SLIT3: variants seen among roughly 807,000 people sequenced by gnomAD.
SLIT3 encodes the protein slit homolog 3 protein.
Under a neutral mutation model 184.0 loss-of-function variants are expected in SLIT3, and 68 were observed. The ratio of observed to expected loss-of-function variants is 0.37; its 90% CI spans 0.30 to 0.45. SLIT3 has a LOEUF of 0.45. SLIT3 is among the 20% of genes least tolerant of loss of function. The pLI is 1.00. For missense variants in SLIT3, 1,707 were observed against 2,026.0 expected (o/e 0.84, Z 3.02); for synonymous variants, 831 against 828.6 (o/e 1.00, Z -0.05).
intron 4 of SLIT3, among the ~76,000 whole-genome samples, chr5:169,067,377 G>T (rs1283223465): frequency 6.6e-6 from 1 of 152,122 alleles, no homozygotes; most frequent in South Asian, 2.1e-4. Context: ...TTGCACTTCA[G>T]CCTGGCCATC....
chr5:169,019,772 C>T (rs1413425587), intron 4 of SLIT3, among the ~76,000 whole-genome samples: 1 of 152,232 alleles, frequency 6.6e-6, no homozygotes, highest in Non-Finnish European at 1.5e-5. Context: ...TCACTCTTTT[C>T]CTTCAAAGCA....
At chr5:168,676,786 C>T (rs1033340198) in intron 32 of SLIT3, among the ~76,000 whole-genome samples, 1 of 152,252 alleles carries the variant, frequency 6.6e-6, no homozygotes, top group African/African-American at 2.4e-5. Context: ...CAGGCACTCG[C>T]TTCCAACATT....
intron 4 of SLIT3, 22 bp downstream of exon 4, chr5:169,193,457 A>G (rs1433443681): frequency 6.2e-7 from 1 of 1,605,202 alleles, no homozygotes; most frequent in East Asian, 2.2e-5. Flanking sequence ...CAAGGTAGAG[A>G]ACACAAGGCA....
At chr5:169,000,506 GAGA>G (rs1731047064) in intron 4 of SLIT3, among the ~76,000 whole-genome samples, 1 of 148,836 alleles carries the variant, frequency 6.7e-6, no homozygotes, top group African/African-American at 2.5e-5. Flanking sequence ...ATTACTCAAA[GAGA>G]AGAACAATAA....
chr5:168,703,311 T>C (rs1371612652), intron 26 of SLIT3, among the ~76,000 whole-genome samples: 2 of 149,756 alleles, frequency 1.3e-5, no homozygotes, highest in Non-Finnish European at 3.0e-5. Flanking sequence ...ACTGGCTTCC[T>C]TTAAAACAGG....
intron 12 of SLIT3, 98 bp downstream of exon 12, chr5:168,785,809 G>GA: frequency 9.4e-6 from 8 of 853,716 alleles, no homozygotes; most frequent in Non-Finnish European, 1.3e-5. Flanking sequence ...TTTGTCTGCA[G>GA]AAAGTCAAAA....
intron 1 of SLIT3, among the ~76,000 whole-genome samples, chr5:169,261,231 T>A (rs1561773263): frequency 6.6e-6 from 1 of 152,128 alleles, no homozygotes; most frequent in Non-Finnish European, 1.5e-5. Flanking sequence ...AGGTGACATT[T>A]TAATTGAGAC....
intron 12 of SLIT3, among the ~76,000 whole-genome samples, chr5:168,777,105 ACCCC>A (rs66712485): frequency 0.15 from 754 of 4,990 alleles, 4 homozygotes; most frequent in Middle Eastern, 0.5. Context: ...ACACACACAC[ACCCC>A]CCATACCACA....
At chr5:168,851,017 C>A (rs1016328759) in intron 5 of SLIT3, among the ~76,000 whole-genome samples, 46 of 152,162 alleles carry the variant, frequency 3.0e-4, no homozygotes, top group African/African-American at 1.1e-3. Flanking sequence ...AAGATCCCTG[C>A]AAACCACTTT....
At chr5:169,253,251 G>A (rs1340138953) in intron 1 of SLIT3, among the ~76,000 whole-genome samples, 5 of 152,160 alleles carry the variant, frequency 3.3e-5, no homozygotes, top group Non-Finnish European at 7.3e-5. Context: ...TGACAACTGT[G>A]AATATGACAA....
intron 4 of SLIT3, among the ~76,000 whole-genome samples, chr5:169,169,716 T>C (rs1291215094): frequency 6.6e-6 from 1 of 152,162 alleles, no homozygotes; most frequent in Non-Finnish European, 1.5e-5. Context: ...TAACTAAGAC[T>C]TGGAGACAAG....
intron 4 of SLIT3, among the ~76,000 whole-genome samples, chr5:169,120,768 T>A (rs1760846456): frequency 6.6e-6 from 1 of 152,108 alleles, no homozygotes; most frequent in Admixed American, 6.5e-5. Context: ...CCCCAGTAGG[T>A]CTTCTATTTT....
chr5:169,046,834 C>T (rs1194000972), intron 4 of SLIT3, among the ~76,000 whole-genome samples: 1 of 152,116 alleles, frequency 6.6e-6, no homozygotes, highest in Non-Finnish European at 1.5e-5. Context: ...TTTTCTGCAC[C>T]CTTCCCCAGC....
intron 4 of SLIT3, among the ~76,000 whole-genome samples, chr5:169,060,791 T>A (rs1025847180): frequency 1.3e-5 from 2 of 152,212 alleles, no homozygotes; most frequent in Non-Finnish European, 2.9e-5. Flanking sequence ...GCAGTGTCCA[T>A]ACCGGGTCTG....
chr5:169,271,169 G>A (rs758892398), intron 1 of SLIT3, among the ~76,000 whole-genome samples: 2 of 152,190 alleles, frequency 1.3e-5, no homozygotes, highest in African/African-American at 4.8e-5. Flanking sequence ...AGGAAAGGCA[G>A]GAGGGCAGAC....
chr5:169,070,189 G>A (rs2113122792), intron 4 of SLIT3, among the ~76,000 whole-genome samples: 1 of 152,286 alleles, frequency 6.6e-6, no homozygotes, highest in South Asian at 2.1e-4. Context: ...ACTTCAACAG[G>A]TGGTATTGTG....
intron 4 of SLIT3, among the ~76,000 whole-genome samples, chr5:169,097,808 C>G (rs1035901865): frequency 3.3e-5 from 5 of 152,084 alleles, no homozygotes; most frequent in Non-Finnish European, 7.4e-5. Context: ...TCTCATCTGC[C>G]CTTTGTTAGG....
intron 6 of SLIT3, 99 bp from the exon 7 acceptor site, chr5:168,823,430 A>G (rs2113669961): frequency 2.4e-6 from 2 of 832,710 alleles, no homozygotes; most frequent in East Asian, 4.9e-5. Context: ...TGACCGCAAG[A>G]CCATGAGTCA....
intron 4 of SLIT3, among the ~76,000 whole-genome samples, chr5:169,010,890 C>T (rs929951323): frequency 1.6e-4 from 22 of 141,528 alleles, no homozygotes; most frequent in Admixed American, 1.5e-3. Context: ...GCCTGGGCGA[C>T]AGAGTGAGAC....
Sources: allele counts gnomAD v4.1 joint callset (sites outside exome capture counted in the v4.1 genomes callset), GRCh38; gene constraint gnomAD v4.1.1; transcripts MANE v1.5; gene names NCBI Gene and HGNC (gene_info 2026-07-23, HGNC 2026-07-21).